Variants in EPB41L4A observed in about 807,000 individuals in gnomAD.
EPB41L4A encodes the protein band 4.1-like protein 4A.
Under a neutral mutation model 108.6 loss-of-function variants are expected in EPB41L4A, and 100 were observed. The observed-to-expected ratio is 0.92, with a 90% confidence interval of 0.78 to 1.09. The LOEUF is 1.09. Ranked by LOEUF, EPB41L4A falls within the 50% of genes least tolerant of loss-of-function variation. The pLI is 0.00. For missense variants in EPB41L4A, 1,030 were observed against 842.7 expected (o/e 1.22, Z -2.75); for synonymous variants, 319 against 289.0 (o/e 1.10, Z -1.05).
At chr5:112,349,955 T>C (rs562310715) in intron 1 of EPB41L4A, among the ~76,000 whole-genome samples, 20 of 152,228 alleles carry the variant, frequency 1.3e-4, no homozygotes, top group African/African-American at 2.9e-4. Flanking sequence ...GCAAAGATCA[T>C]AGGGGCGAAG....
rs58611839 is a variant in EPB41L4A, at chr5:112,402,615, G to A, written c.99+16326C>T. Among the ~76,000 whole-genome samples, 868 of 152,192 alleles carry A rather than the reference G, an allele frequency of 5.7e-3. 8 individuals are homozygous for A. Among genetic ancestry groups the A allele is most frequent in the African/African-American group, 0.019 (800 of 41,538 alleles). ...GTGGGGAAAAGTACGTGGAAGACTC[G>A]GCACTACAGACATTTATCACATAAA... On this transcript the variant is annotated intron_variant, in intron 1 of 22. Coordinates refer to ENST00000261486, the MANE Select transcript of EPB41L4A (RefSeq NM_022140.5).
At chr5:112,389,014 T>G (rs1760749089) in intron 1 of EPB41L4A, among the ~76,000 whole-genome samples, 1 of 152,184 alleles carries the variant, frequency 6.6e-6, no homozygotes, top group Admixed American at 6.5e-5. Context: ...TTTAATGAGC[T>G]GTGAACTTAT....
chr5:112,332,902 T>C (rs938103611), intron 1 of EPB41L4A, among the ~76,000 whole-genome samples: 1 of 152,228 alleles, frequency 6.6e-6, no homozygotes, highest in African/African-American at 2.4e-5. Context: ...CAACACAACA[T>C]ACCATCAAGA....
intron 1 of EPB41L4A, among the ~76,000 whole-genome samples, chr5:112,353,754 C>G (rs1758201329): frequency 6.6e-6 from 1 of 152,032 alleles, no homozygotes; most frequent in Non-Finnish European, 1.5e-5. Context: ...TCCTTGGGTC[C>G]CCAAACAGCA....
In EPB41L4A at chr5:112,280,288, G is replaced by A. The variant is rs1453523251; in HGVS notation, c.240C>T (p.His80=). The stretch of plus-strand genomic sequence containing the variant: ...AATACCTACTGTTGATCAGTTCTTT[G>A]TGTTCAGCAAGGGTTTTTGCAGGAT... ...WLDPAKTLAE[H]KELINTGPPY... The change falls in exon 3 of 23, where the codon CAC becomes CAT. Residue 80 remains histidine, a synonymous_variant. Transcript: ENST00000261486. 1 of 1,613,830 alleles carries A rather than the reference G, an allele frequency of 6.2e-7. No individual in the cohort carries two copies. Among genetic ancestry groups the A allele is most frequent in the Non-Finnish European group, 8.5e-7 (1 of 1,179,872 alleles).
rs74394262 is a variant in EPB41L4A at position 112,289,426 on chromosome 5, A to G, written c.205-9103T>C. ...TCCAGGAAAAACTTTGAGAGGTGCA[A>G]ACTTGAGGGAATTTGAGTGGCAGGG... On this transcript the variant is annotated intron_variant, in intron 2 of 22. Transcript: ENST00000261486. Among the ~76,000 whole-genome samples, 1,024 of 152,240 alleles carry G rather than the reference A, an allele frequency of 6.7e-3. 6 individuals carry two copies. Among genetic ancestry groups the G allele is most frequent in the African/African-American group, 0.024 (981 of 41,524 alleles).
At chr5:112,341,179 T>C (rs1331500303) in intron 1 of EPB41L4A, among the ~76,000 whole-genome samples, 1 of 152,210 alleles carries the variant, frequency 6.6e-6, no homozygotes, top group Non-Finnish European at 1.5e-5. Context: ...AACAGGGACT[T>C]TTCAGTTCAT....
intron 1 of EPB41L4A, among the ~76,000 whole-genome samples, chr5:112,391,475 G>T (rs1262170940): frequency 2.6e-5 from 4 of 152,128 alleles, no homozygotes; most frequent in Non-Finnish European, 5.9e-5. Flanking sequence ...GGAAGAAAGG[G>T]TATCAATGAT....
intron 14 of EPB41L4A, chr5:112,204,715 C>T (rs1046496180): frequency 1.0e-5 from 4 of 384,634 alleles, no homozygotes; most frequent in African/African-American, 7.9e-5. Context: ...GTCTCACTAG[C>T]CTTCAGTAGT....
chr5:112,378,453 T>C (rs562466617), intron 1 of EPB41L4A, among the ~76,000 whole-genome samples: 36 of 152,274 alleles, frequency 2.4e-4, no homozygotes, highest in African/African-American at 8.7e-4. Context: ...AAATTCAGGA[T>C]GATCAGGATA....
At chr5:112,321,481 A>G (rs1167566515) in intron 1 of EPB41L4A, among the ~76,000 whole-genome samples, 1 of 152,196 alleles carries the variant, frequency 6.6e-6, no homozygotes, top group Non-Finnish European at 1.5e-5. Context: ...GCTTTATTTG[A>G]TGGAAAAACA....
At chr5:112,219,903 C>G (rs1747926801) in intron 12 of EPB41L4A, among the ~76,000 whole-genome samples, 2 of 152,104 alleles carry the variant, frequency 1.3e-5, no homozygotes, top group African/African-American at 4.8e-5. Context: ...ACCATGTTGG[C>G]CAGGCTGGTC....
chr5:112,362,267 G>C lies in EPB41L4A; in HGVS notation c.100-54777C>G, dbSNP rs184350310. ...CTACAGGCTCATGCCACCATGCCCAGCTTAGAGCATTAATGTTTTTTTTTT... is the reference window on the plus strand; with the variant it reads ...CTACAGGCTCATGCCACCATGCCCACCTTAGAGCATTAATGTTTTTTTTTT... On this transcript the variant is annotated intron_variant, in intron 1 of 22. Coordinates refer to ENST00000261486, the MANE Select transcript of EPB41L4A (RefSeq NM_022140.5). Among the ~76,000 whole-genome samples the C allele has an allele frequency of 2.1e-3, 309 of 144,192 alleles. 2 individuals carry two copies. Among genetic ancestry groups the C allele is most frequent in the African/African-American group, 7.6e-3 (297 of 38,910 alleles). 94.6% of individuals were successfully genotyped at this position (144,192 alleles called of 152,430 possible). A position where few individuals can be genotyped will look rare whatever the true frequency, so the allele number is the denominator to read the frequency against.
chr5:112,173,311 G>C (rs1012894440), intron 18 of EPB41L4A, among the ~76,000 whole-genome samples: 5 of 152,110 alleles, frequency 3.3e-5, no homozygotes, highest in African/African-American at 1.2e-4. Context: ...TGGACACGGG[G>C]AGAATGAGGA....
intron 17 of EPB41L4A, among the ~76,000 whole-genome samples, chr5:112,186,652 G>C (rs560779198): frequency 1.3e-5 from 2 of 152,312 alleles, no homozygotes; most frequent in Non-Finnish European, 2.9e-5. Flanking sequence ...AGAGCCTTTG[G>C]AGAGTCACAA....
At chr5:112,209,667 C>T (rs1046245609) in intron 13 of EPB41L4A, among the ~76,000 whole-genome samples, 3 of 152,186 alleles carry the variant, frequency 2.0e-5, no homozygotes, top group African/African-American at 7.2e-5. Flanking sequence ...TGTGAGTTCA[C>T]CTTGTGACAA....
At chr5:112,389,552 A>T (rs1580810721) in intron 1 of EPB41L4A, among the ~76,000 whole-genome samples, 1 of 152,322 alleles carries the variant, frequency 6.6e-6, no homozygotes, top group Non-Finnish European at 1.5e-5. Context: ...AAGTAACCTG[A>T]TGTTAACCAG....
At chr5:112,221,792 A>G (rs1748070650) in intron 12 of EPB41L4A, among the ~76,000 whole-genome samples, 1 of 152,252 alleles carries the variant, frequency 6.6e-6, no homozygotes, top group Non-Finnish European at 1.5e-5. Flanking sequence ...ACTTGAATAT[A>G]TAATAGCCCT....
Position 112,239,737 on chromosome 5 carries a change from TC to T in EPB41L4A, c.888-1del. The T allele has an allele frequency of 6.2e-7, 1 of 1,603,810 alleles. No individual in the cohort carries two copies. On this transcript the variant is annotated splice_acceptor_variant, in intron 10 of 22. Transcript: ENST00000261486. LOFTEE classifies it high-confidence loss of function. Reference sequence around the variant, plus strand: ...GTGAATTGGATTCATTTTCTGGCATTCTAATCAATTTTTAAAAGAAAATCAG... The same window carrying T: ...GTGAATTGGATTCATTTTCTGGCATTTAATCAATTTTTAAAAGAAAATCAG...
Sources: gnomAD v4.1 joint callset for allele counts (sites outside exome capture counted in the v4.1 genomes callset) on GRCh38, gnomAD v4.1.1 for gene constraint, MANE v1.5 for transcripts, NCBI Gene and HGNC (gene_info 2026-07-23, HGNC 2026-07-21) for gene names.